CTNND2: variants seen among roughly 807,000 people sequenced by gnomAD.
The protein encoded by CTNND2 is catenin delta 2.
CTNND2 carries 22 observed loss-of-function variants against 144.4 expected under a neutral mutation model. The observed-to-expected ratio is 0.15, with a 90% CI of 0.11 to 0.22. The LOEUF (loss-of-function observed/expected upper bound fraction) is 0.22. CTNND2 is among the 10% of genes least tolerant of loss of function. The pLI is 1.00. For synonymous variants in CTNND2, 751 were observed against 695.6 expected (o/e 1.08, Z -1.25); for missense variants, 1,353 against 1,618.8 (o/e 0.84, Z 2.82).
At chr5:11,412,192 TCTTA>T in intron 3 of CTNND2, 123 bp from the exon 4 acceptor site, 1 of 689,442 alleles carries the variant, frequency 1.5e-6, no homozygotes, top group Non-Finnish European at 2.6e-6. Flanking sequence ...TCCTTTCATT[TCTTA>T]CTATGAAAAG....
intron 9 of CTNND2, among the ~76,000 whole-genome samples, chr5:11,255,834 C>A (rs1364062206): frequency 6.6e-6 from 1 of 152,188 alleles, no homozygotes; most frequent in Non-Finnish European, 1.5e-5. Flanking sequence ...GGCCTCATTA[C>A]GTCTTGCTTT....
At chr5:11,187,216 C>T (rs1735723246) in intron 11 of CTNND2, among the ~76,000 whole-genome samples, 1 of 152,098 alleles carries the variant, frequency 6.6e-6, no homozygotes, top group South Asian at 2.1e-4. Context: ...TACCATAGCA[C>T]AACTAACTAC....
intron 18 of CTNND2, among the ~76,000 whole-genome samples, chr5:11,015,137 T>C (rs1741475402): frequency 6.6e-6 from 1 of 152,190 alleles, no homozygotes; most frequent in African/African-American, 2.4e-5. Flanking sequence ...AATTAAAAGA[T>C]ATGGATCAGA....
At chr5:11,389,502 G>A (rs891423199) in intron 6 of CTNND2, among the ~76,000 whole-genome samples, 4 of 152,066 alleles carry the variant, frequency 2.6e-5, no homozygotes, top group African/African-American at 7.2e-5. Context: ...GTGTGTGTGT[G>A]TACTTAGTGG....
At chr5:11,461,791 G>C (rs532871271) in intron 3 of CTNND2, among the ~76,000 whole-genome samples, 2 of 152,140 alleles carry the variant, frequency 1.3e-5, no homozygotes, top group Non-Finnish European at 2.9e-5. Context: ...TATCCAATAA[G>C]TAATTCAAGA....
Position 11,816,286 on chromosome 5 carries a change from G to A in CTNND2, c.38-84014C>T, listed in dbSNP as rs558326259. On this transcript the variant is annotated intron_variant, in intron 1 of 21. Coordinates refer to ENST00000304623, the MANE Select transcript of CTNND2 (RefSeq NM_001332.4). ...CACTGGCTACCTGAACACCACAAAA[G>A]AGAACTGAGCTTGAAACTTTTCAGA... is the stretch of plus-strand genomic sequence containing the variant. Among the ~76,000 whole-genome samples the A allele has an allele frequency of 2.0e-4, 30 of 152,254 alleles. No homozygotes were observed. The East Asian group carries it at 5.1e-3, about 26-fold the overall frequency.
intron 3 of CTNND2, among the ~76,000 whole-genome samples, chr5:11,505,540 C>A (rs543330443): frequency 3.9e-5 from 6 of 152,160 alleles, no homozygotes; most frequent in Non-Finnish European, 7.3e-5. Context: ...TAAGAACAAG[C>A]GCTTCTGTTT....
At chr5:11,007,899 C>G (rs1434232808) in intron 18 of CTNND2, among the ~76,000 whole-genome samples, 1 of 152,174 alleles carries the variant, frequency 6.6e-6, no homozygotes, top group African/African-American at 2.4e-5. Flanking sequence ...CAGTTAAGCC[C>G]CTAGACAGGG....
chr5:11,333,421 A>G (rs895566229), intron 9 of CTNND2, among the ~76,000 whole-genome samples: 2 of 151,938 alleles, frequency 1.3e-5, no homozygotes, highest in Admixed American at 1.3e-4. Context: ...GTGCCACCAC[A>G]CCCAGCTAAT....
At chr5:11,828,946 T>C (rs1033448420) in intron 1 of CTNND2, among the ~76,000 whole-genome samples, 1 of 152,168 alleles carries the variant, frequency 6.6e-6, no homozygotes, top group African/African-American at 2.4e-5. Context: ...GCAGAGGTGG[T>C]CTCAGATGGA....
At chr5:11,895,767 AATAG>A (rs771633040) in intron 1 of CTNND2, among the ~76,000 whole-genome samples, 7 of 152,346 alleles carry the variant, frequency 4.6e-5, no homozygotes, top group African/African-American at 7.2e-5. Flanking sequence ...AAAAAAGGAA[AATAG>A]ATAAATTGAG....
At chr5:11,359,827 A>G (rs957435555) in intron 8 of CTNND2, among the ~76,000 whole-genome samples, 2 of 152,148 alleles carry the variant, frequency 1.3e-5, no homozygotes, top group Admixed American at 1.3e-4. Context: ...CCTTTAGACC[A>G]TGTTCTCTAA....
chr5:11,313,647 G>A lies in CTNND2; in HGVS notation c.1628+32725C>T, dbSNP rs189589673. On this transcript the variant is annotated intron_variant, in intron 9 of 21. Transcript: ENST00000304623. ...ACTGCACTTCCTCCGTGGAGAATTA[G>A]GGGCCTGGAGAATCCTGTGGTTTGC... Among the ~76,000 whole-genome samples, 246 of 152,332 alleles carry A rather than the reference G, an allele frequency of 1.6e-3. 1 individual carries two copies. Among genetic ancestry groups the A allele is most frequent in the Non-Finnish European group, 2.6e-3 (178 of 68,030 alleles).
intron 2 of CTNND2, among the ~76,000 whole-genome samples, chr5:11,679,499 AAT>A (rs1188408017): frequency 6.6e-6 from 1 of 152,196 alleles, no homozygotes; most frequent in African/African-American, 2.4e-5. Flanking sequence ...CAAAGTATGT[AAT>A]ATAGTCTAGG....
chr5:11,808,937 G>A (rs1025941503), intron 1 of CTNND2, among the ~76,000 whole-genome samples: 2 of 152,160 alleles, frequency 1.3e-5, no homozygotes, highest in Non-Finnish European at 2.9e-5. Flanking sequence ...ACTACTAATG[G>A]AACAACTCCA....
At chr5:11,795,304 G>T (rs1239733635) in intron 1 of CTNND2, among the ~76,000 whole-genome samples, 1 of 152,174 alleles carries the variant, frequency 6.6e-6, no homozygotes, top group Non-Finnish European at 1.5e-5. Flanking sequence ...AAAAAGAGGA[G>T]TGAGCAAACT....
At chr5:11,201,468 A>G (rs1737432472) in intron 10 of CTNND2, among the ~76,000 whole-genome samples, 1 of 152,228 alleles carries the variant, frequency 6.6e-6, no homozygotes, top group Non-Finnish European at 1.5e-5. Flanking sequence ...AGCTCTTCCA[A>G]TCCGGCTTAC....
In CTNND2 at chr5:11,380,019, C is replaced by T. The variant is rs10036384; in HGVS notation, c.1177+4646G>A. Among the ~76,000 whole-genome samples the T allele has an allele frequency of 4.7e-3, 714 of 152,288 alleles. 6 individuals carry two copies. Among genetic ancestry groups the T allele is most frequent in the African/African-American group, 0.017 (687 of 41,564 alleles). On this transcript the variant is annotated intron_variant, in intron 7 of 21. Transcript: ENST00000304623. ...AACTCTGACTTTGTTCTGGCTACCG[C>T]TTCTTTCTAGTTGCTCCTTTATAGC...
chr5:11,070,648 A>G (rs1748158325), intron 16 of CTNND2, among the ~76,000 whole-genome samples: 1 of 152,156 alleles, frequency 6.6e-6, no homozygotes, highest in South Asian at 2.1e-4. Context: ...TCTCATCAAA[A>G]GCAATGGAAG....
Sources: gnomAD v4.1 joint callset for allele counts (sites outside exome capture counted in the v4.1 genomes callset) on GRCh38, gnomAD v4.1.1 for gene constraint, MANE v1.5 for transcripts, NCBI Gene and HGNC (gene_info 2026-07-23, HGNC 2026-07-21) for gene names.